Variants in FAM110B observed in about 807,000 individuals in gnomAD.
FAM110B encodes protein FAM110B.
Under a neutral mutation model 20.4 loss-of-function variants are expected in FAM110B, and 6 were observed. The observed-to-expected ratio is 0.29, with a 90% CI of 0.16 to 0.58. The LOEUF is 0.58. FAM110B is among the 20% of genes least tolerant of loss of function. The pLI, the probability that FAM110B is intolerant of heterozygous loss-of-function variation, is 0.90. For missense variants in FAM110B, 434 were observed against 498.2 expected (o/e 0.87, Z 1.23); for synonymous variants, 226 against 214.1 (o/e 1.06, Z -0.49).
intron 3 of FAM110B, among the ~76,000 whole-genome samples, chr8:58,132,452 T>A (rs1003732910): frequency 6.6e-6 from 1 of 152,062 alleles, no homozygotes. Context: ...TCAGTCCTTG[T>A]GGCCACAGAT....
chr8:58,141,509 A>G (rs1333818538), intron 3 of FAM110B, among the ~76,000 whole-genome samples: 1 of 152,218 alleles, frequency 6.6e-6, no homozygotes, highest in Non-Finnish European at 1.5e-5. Context: ...TGTGAGACAC[A>G]GGGGAATTAC....
At chr8:58,062,859 C>T (rs1026737600) in intron 2 of FAM110B, among the ~76,000 whole-genome samples, 1 of 152,208 alleles carries the variant, frequency 6.6e-6, no homozygotes, top group African/African-American at 2.4e-5. Context: ...AATATCCTTA[C>T]ATAAAATGAG....
intron 2 of FAM110B, among the ~76,000 whole-genome samples, chr8:58,058,363 A>G (rs775581812): frequency 6.6e-6 from 1 of 151,944 alleles, no homozygotes; most frequent in African/African-American, 2.4e-5. Flanking sequence ...TGTGAATACC[A>G]CAGTCATATA....
At chr8:58,047,107 T>C (rs1266264411) in intron 2 of FAM110B, among the ~76,000 whole-genome samples, 2 of 152,104 alleles carry the variant, frequency 1.3e-5, no homozygotes. Context: ...ATATTGAAAA[T>C]AATATTCCAG....
chr8:58,025,880 T>G (rs1804846277), intron 1 of FAM110B, among the ~76,000 whole-genome samples: 1 of 152,186 alleles, frequency 6.6e-6, no homozygotes, highest in Non-Finnish European at 1.5e-5. Context: ...TATTTTTAGG[T>G]CCATGTCCTA....
chr8:58,023,030 T>A (rs1401991639), intron 1 of FAM110B, among the ~76,000 whole-genome samples: 1 of 152,142 alleles, frequency 6.6e-6, no homozygotes, highest in Non-Finnish European at 1.5e-5. Context: ...GGAAAAAAAA[T>A]TTAAAGAGAG....
At chr8:58,036,329 G>T (rs1020134940) in intron 2 of FAM110B, among the ~76,000 whole-genome samples, 10 of 152,264 alleles carry the variant, frequency 6.6e-5, no homozygotes, top group African/African-American at 2.4e-4. Flanking sequence ...AGAGAGCCAG[G>T]CTCAGCCAGA....
intron 3 of FAM110B, among the ~76,000 whole-genome samples, chr8:58,124,864 T>C (rs1807455765): frequency 6.6e-6 from 1 of 152,228 alleles, no homozygotes. Flanking sequence ...TAATGAGGAA[T>C]TTTTAAAGAA....
At chr8:58,017,682 T>C (rs1386663486) in intron 1 of FAM110B, among the ~76,000 whole-genome samples, 2 of 152,224 alleles carry the variant, frequency 1.3e-5, no homozygotes, top group East Asian at 3.8e-4. Flanking sequence ...TCAAAGTCTC[T>C]AAAAAATAAA....
At chr8:58,095,553 G>A (rs1585881816) in intron 3 of FAM110B, among the ~76,000 whole-genome samples, 1 of 152,198 alleles carries the variant, frequency 6.6e-6, no homozygotes, top group African/African-American at 2.4e-5. Context: ...GTGGTTTTGA[G>A]TGAGTTTCTT....
At chr8:58,029,942 CT>C (rs1358778179) in intron 1 of FAM110B, among the ~76,000 whole-genome samples, 1 of 152,156 alleles carries the variant, frequency 6.6e-6, no homozygotes, top group African/African-American at 2.4e-5. Flanking sequence ...GTGTTCAGCT[CT>C]TTGCTATTTT....
intron 3 of FAM110B, among the ~76,000 whole-genome samples, chr8:58,123,783 G>A (rs1228648964): frequency 6.6e-6 from 1 of 152,238 alleles, no homozygotes; most frequent in East Asian, 1.9e-4. Context: ...TGTCAGCTAT[G>A]CCAGACTTGT....
intron 2 of FAM110B, among the ~76,000 whole-genome samples, chr8:58,066,607 C>T (rs897591572): frequency 2.6e-5 from 4 of 152,180 alleles, no homozygotes; most frequent in African/African-American, 9.7e-5. Context: ...ACAAGCTCCC[C>T]GGACTCTTGC....
intron 2 of FAM110B, among the ~76,000 whole-genome samples, chr8:58,071,164 A>T (rs994722499): frequency 1.6e-4 from 24 of 151,202 alleles, no homozygotes; most frequent in East Asian, 7.7e-4. Context: ...ATCTGGGATT[A>T]AAAAAAATGG....
intron 2 of FAM110B, among the ~76,000 whole-genome samples, chr8:58,037,444 TG>T (rs1236885985): frequency 6.6e-6 from 1 of 151,396 alleles, no homozygotes; most frequent in Non-Finnish European, 1.5e-5. Context: ...GAGACCAGCT[TG>T]GCAACATAGT....
Position 58,148,118 on chromosome 8 carries a change from A to G in FAM110B, c.*775A>G, listed in dbSNP as rs1013350269. 1 of 165,048 alleles carries G rather than the reference A, an allele frequency of 6.1e-6. No individual in the cohort carries two copies. The highest frequency in any genetic ancestry group is 1.5e-5 in the Non-Finnish European group (1 of 67,930). 10.2% of individuals were successfully genotyped at this position (165,048 alleles called of 1,614,324 possible). ...TATCTTTCGACAGAATGACCACCCT[A>G]AAACAAATACTGAATGCCTTTAAAA... is the stretch of plus-strand genomic sequence containing the variant. On this transcript the variant is annotated 3_prime_UTR_variant, in exon 4 of 4. Coordinates refer to ENST00000519262, the MANE Select transcript of FAM110B (RefSeq NM_001377989.1).
At chr8:58,090,520 A>G (rs1178923425) in intron 3 of FAM110B, among the ~76,000 whole-genome samples, 1 of 152,242 alleles carries the variant, frequency 6.6e-6, no homozygotes, top group Non-Finnish European at 1.5e-5. Flanking sequence ...AGTAGAGTGT[A>G]TCATACATCT....
chr8:58,140,114 C>A (rs1162895889), intron 3 of FAM110B, among the ~76,000 whole-genome samples: 2 of 152,008 alleles, frequency 1.3e-5, no homozygotes, highest in East Asian at 3.8e-4. Context: ...AAGAAGGGAA[C>A]AAGGATTGGA....
At chr8:57,998,207 G>GT (rs1421536306) in intron 1 of FAM110B, among the ~76,000 whole-genome samples, 1 of 152,170 alleles carries the variant, frequency 6.6e-6, no homozygotes, top group African/African-American at 2.4e-5. Context: ...ACAATACCTT[G>GT]TTAAAGATCA....
Sources: allele counts gnomAD v4.1 joint callset (sites outside exome capture counted in the v4.1 genomes callset), GRCh38; gene constraint gnomAD v4.1.1; transcripts MANE v1.5; gene names NCBI Gene and HGNC (gene_info 2026-07-23, HGNC 2026-07-21).